MACROD2: variants seen among roughly 807,000 people sequenced by gnomAD.
MACROD2 encodes mono-ADP ribosylhydrolase 2, also known as ADP-ribose glycohydrolase MACROD2.
MACROD2 carries 36 observed loss-of-function variants against 70.4 expected under a neutral mutation model. The observed-to-expected ratio is 0.51, with a 90% CI of 0.39 to 0.68. MACROD2 has a LOEUF of 0.68. MACROD2 is among the 30% of genes least tolerant of loss of function. The pLI is 0.00. For synonymous variants in MACROD2, 172 were observed against 178.8 expected (o/e 0.96, Z 0.30); for missense variants, 496 against 538.4 (o/e 0.92, Z 0.78).
At chr20:14,575,041 A>AAAAAAT (rs1175447813) in intron 4 of MACROD2, among the ~76,000 whole-genome samples, 301 of 23,730 alleles carry the variant, frequency 0.013, 6 homozygotes, top group African/African-American at 0.022. Flanking sequence ...AAAAAAAAAA[A>AAAAAAT]ATATTCACAA....
chr20:14,026,797 T>C (rs1569122436), intron 2 of MACROD2, among the ~76,000 whole-genome samples: 1 of 152,198 alleles, frequency 6.6e-6, no homozygotes, highest in Admixed American at 6.5e-5. Flanking sequence ...CATTACAACC[T>C]TGGTAAATCT....
intron 5 of MACROD2, among the ~76,000 whole-genome samples, chr20:14,812,790 G>A (rs2072730572): frequency 6.6e-6 from 1 of 152,034 alleles, no homozygotes; most frequent in Non-Finnish European, 1.5e-5. Context: ...CAGACACCAA[G>A]TGGGTGTAAT....
intron 6 of MACROD2, among the ~76,000 whole-genome samples, chr20:15,308,786 T>G (rs896320580): frequency 1.3e-5 from 2 of 152,180 alleles, no homozygotes; most frequent in Non-Finnish European, 2.9e-5. Context: ...ACACGTAGCC[T>G]GTGCTCTCTC....
At chr20:14,262,914 A>T (rs562429732) in intron 3 of MACROD2, among the ~76,000 whole-genome samples, 35 of 152,294 alleles carry the variant, frequency 2.3e-4, no homozygotes, top group Admixed American at 5.9e-4. Flanking sequence ...AAAAGAAAAG[A>T]GTGATAGTAG....
intron 8 of MACROD2, among the ~76,000 whole-genome samples, chr20:15,706,052 A>C (rs2146905637): frequency 6.6e-6 from 1 of 152,320 alleles, no homozygotes; most frequent in South Asian, 2.1e-4. Flanking sequence ...CCTAAATAGG[A>C]TGTTGTTACA....
chr20:15,362,008 C>CTTTTTTTTTTTTTT (rs34029805), intron 6 of MACROD2, among the ~76,000 whole-genome samples: 1 of 142,472 alleles, frequency 7.0e-6, no homozygotes, highest in Admixed American at 7.0e-5. Flanking sequence ...TTATTTCTTC[C>CTTTTTTTTTTTTTT]TTTTTTTTTT....
intron 4 of MACROD2, among the ~76,000 whole-genome samples, chr20:14,668,695 A>G (rs2070762657): frequency 6.6e-6 from 1 of 152,190 alleles, no homozygotes; most frequent in African/African-American, 2.4e-5. Flanking sequence ...CACATGTGAC[A>G]CTGTTCATGC....
intron 9 of MACROD2, among the ~76,000 whole-genome samples, chr20:15,869,238 TAGAGAG>T (rs1555788820): frequency 2.6e-3 from 73 of 28,302 alleles, no homozygotes; most frequent in South Asian, 0.011. Context: ...TATATATATA[TAGAGAG>T]AGAGAGAGAG....
At chr20:15,158,826 A>T (rs550049667) in intron 5 of MACROD2, among the ~76,000 whole-genome samples, 39 of 152,314 alleles carry the variant, frequency 2.6e-4, no homozygotes, top group South Asian at 2.1e-4. Flanking sequence ...CTAATGGAAT[A>T]TAAAGTAATT....
chr20:14,201,021 T>G (rs2081475484), intron 3 of MACROD2, among the ~76,000 whole-genome samples: 1 of 152,062 alleles, frequency 6.6e-6, no homozygotes, highest in African/African-American at 2.4e-5. Context: ...TTTGTTTATG[T>G]TTTTTAAACA....
rs749185378 is a variant in MACROD2 at position 14,326,718 on chromosome 20, G to A, written c.272-166761G>A. On this transcript the variant is annotated intron_variant, in intron 3 of 17. Transcript: ENST00000684519. The surrounding 1 kb of genome is among the most constrained non-coding windows in gnomAD (Gnocchi z 5.5). ...GCCTTAGATAAGAAAAAGCATTTGGGGGCACCCGATTGATGTGGTTATCTT... is the reference window on the plus strand; with the variant it reads ...GCCTTAGATAAGAAAAAGCATTTGGAGGCACCCGATTGATGTGGTTATCTT... 10 of 1,613,590 alleles carry A rather than the reference G, an allele frequency of 6.2e-6. No homozygotes were observed. The highest frequency in any genetic ancestry group is 1.7e-5 in the Admixed American group (1 of 59,926).
intron 5 of MACROD2, among the ~76,000 whole-genome samples, chr20:15,219,148 C>A (rs1279062372): frequency 6.6e-6 from 1 of 152,174 alleles, no homozygotes; most frequent in Non-Finnish European, 1.5e-5. Context: ...CGAAAGACAT[C>A]ACTGTTTCTT....
chr20:14,246,738 C>G (rs1314061560), intron 3 of MACROD2, among the ~76,000 whole-genome samples: 2 of 152,148 alleles, frequency 1.3e-5, no homozygotes, highest in Non-Finnish European at 2.9e-5. Context: ...CATTCAGACC[C>G]AGTTTAACCC....
At chr20:15,924,838 T>A (rs2065465705) in intron 10 of MACROD2, among the ~76,000 whole-genome samples, 1 of 152,248 alleles carries the variant, frequency 6.6e-6, no homozygotes. Flanking sequence ...GTATTTAACA[T>A]CTGCACAGAG....
intron 8 of MACROD2, among the ~76,000 whole-genome samples, chr20:15,673,868 G>T (rs2050017805): frequency 6.6e-6 from 1 of 151,888 alleles, no homozygotes; most frequent in African/African-American, 2.4e-5. Context: ...TTCCACGTCT[G>T]CCCTGTCCAG....
At chr20:14,350,164 G>A (rs376218536) in intron 3 of MACROD2, among the ~76,000 whole-genome samples, 16 of 152,208 alleles carry the variant, frequency 1.1e-4, no homozygotes, top group African/African-American at 3.9e-4. Context: ...AATCTTGGTT[G>A]TTGTGAGCAG....
intron 5 of MACROD2, among the ~76,000 whole-genome samples, chr20:14,929,142 C>A (rs1367697262): frequency 6.6e-6 from 1 of 152,162 alleles, no homozygotes; most frequent in Non-Finnish European, 1.5e-5. Flanking sequence ...CATTACAATT[C>A]TCATACCAAC....
At chr20:15,185,058 A>G (rs1420584776) in intron 5 of MACROD2, among the ~76,000 whole-genome samples, 1 of 152,136 alleles carries the variant, frequency 6.6e-6, no homozygotes, top group Non-Finnish European at 1.5e-5. Context: ...GGAGCTTGAC[A>G]CTTTGTTGAT....
chr20:14,238,329 T>C (rs1309736252), intron 3 of MACROD2, among the ~76,000 whole-genome samples: 1 of 152,180 alleles, frequency 6.6e-6, no homozygotes, highest in Non-Finnish European at 1.5e-5. Flanking sequence ...TTAATTAATG[T>C]AGAAAAACCT....
Sources: gnomAD v4.1 joint callset for allele counts (sites outside exome capture counted in the v4.1 genomes callset) on GRCh38, gnomAD v4.1.1 for gene constraint, Gnocchi (gnomAD v3.1) non-coding constraint, MANE v1.5 for transcripts, NCBI Gene and HGNC (gene_info 2026-07-23, HGNC 2026-07-21) for gene names.